The following NCAM2 variants were observed in gnomAD, a reference collection of about 807,000 sequenced individuals.
NCAM2 encodes the protein N-CAM-2.
In NCAM2, 30 loss-of-function variants were observed where a neutral mutation model predicts 98.1. The observed-to-expected ratio is 0.31, with a 90% CI of 0.23 to 0.41. The LOEUF is 0.41. Among genes scored for constraint, NCAM2 ranks in the 10% least tolerant of loss-of-function variants. NCAM2 has a pLI of 1.00. For missense variants in NCAM2, 867 were observed against 1,005.8 expected (o/e 0.86, Z 1.87); for synonymous variants, 368 against 342.4 (o/e 1.07, Z -0.83).
At chr21:21,298,007 A>G (rs1235976594) in intron 5 of NCAM2, among the ~76,000 whole-genome samples, 2 of 151,784 alleles carry the variant, frequency 1.3e-5, no homozygotes, top group African/African-American at 2.4e-5. Flanking sequence ...TAAAATCAAC[A>G]GTGGGTGATA....
At chr21:21,499,565 A>T (rs972670231) in intron 15 of NCAM2, among the ~76,000 whole-genome samples, 3 of 151,678 alleles carry the variant, frequency 2.0e-5, no homozygotes, top group Non-Finnish European at 2.9e-5. Flanking sequence ...TTAAAACAAA[A>T]TGTTTGTACT....
intron 1 of NCAM2, among the ~76,000 whole-genome samples, chr21:21,099,869 C>T (rs578225225): frequency 3.3e-5 from 5 of 151,732 alleles, no homozygotes; most frequent in South Asian, 4.1e-4. Context: ...CACTACTGAC[C>T]GTACCTTACT....
chr21:21,084,953 G>A (rs2065879964), intron 1 of NCAM2, among the ~76,000 whole-genome samples: 1 of 152,136 alleles, frequency 6.6e-6, no homozygotes, highest in African/African-American at 2.4e-5. Flanking sequence ...AATAGTCACT[G>A]TGCTGGTGTG....
At chr21:21,362,042 T>C (rs961929259) in intron 8 of NCAM2, among the ~76,000 whole-genome samples, 1 of 152,144 alleles carries the variant, frequency 6.6e-6, no homozygotes, top group Non-Finnish European at 1.5e-5. Context: ...TATCCATAAT[T>C]CAATTACTTT....
At chr21:21,463,813 T>A (rs548174899) in intron 12 of NCAM2, 1 of 152,152 alleles carries the variant, frequency 6.6e-6, no homozygotes, top group South Asian at 2.1e-4. Context: ...GAAAGAGCTT[T>A]TGCCTGAAAT....
At chr21:21,230,112 C>T (rs1040928087) in intron 1 of NCAM2, among the ~76,000 whole-genome samples, 8 of 150,742 alleles carry the variant, frequency 5.3e-5, no homozygotes, top group African/African-American at 1.9e-4. Context: ...TCATGACATG[C>T]CTGATTTGGA....
chr21:21,297,146 G>T (rs573194634), intron 5 of NCAM2, among the ~76,000 whole-genome samples: 1 of 151,746 alleles, frequency 6.6e-6, no homozygotes, highest in African/African-American at 2.4e-5. Context: ...CAATATTAAG[G>T]AATATTACCT....
At chr21:21,096,124 A>G (rs1157399493) in intron 1 of NCAM2, among the ~76,000 whole-genome samples, 2 of 151,652 alleles carry the variant, frequency 1.3e-5, no homozygotes, top group Non-Finnish European at 1.5e-5. Flanking sequence ...GTTAATTTCA[A>G]TTAATACTTC....
At chr21:21,100,881 A>C (rs2066227843) in intron 1 of NCAM2, among the ~76,000 whole-genome samples, 2 of 152,040 alleles carry the variant, frequency 1.3e-5, no homozygotes, top group Admixed American at 1.3e-4. Context: ...CATCTCTCTG[A>C]ATGTTACAAA....
At chr21:21,095,524 T>TACAGATGA (rs1224167606) in intron 1 of NCAM2, among the ~76,000 whole-genome samples, 2 of 151,416 alleles carry the variant, frequency 1.3e-5, no homozygotes, top group Non-Finnish European at 3.0e-5. Flanking sequence ...CTTGGAGGAA[T>TACAGATGA]ACAGATGAAC....
At chr21:21,451,989 A>G (rs1233662622) in intron 12 of NCAM2, among the ~76,000 whole-genome samples, 2 of 152,026 alleles carry the variant, frequency 1.3e-5, no homozygotes, top group African/African-American at 4.8e-5. Context: ...AATGATTCTC[A>G]CTTAATTCTA....
At chr21:21,384,136 G>A (rs2148108803) in intron 9 of NCAM2, among the ~76,000 whole-genome samples, 1 of 151,974 alleles carries the variant, frequency 6.6e-6, no homozygotes, top group South Asian at 2.1e-4. Flanking sequence ...AGAGTTATAT[G>A]TTTAAAGTCT....
chr21:21,291,858 G>T (rs917734444), intron 4 of NCAM2, among the ~76,000 whole-genome samples: 2 of 150,602 alleles, frequency 1.3e-5, no homozygotes, highest in African/African-American at 2.4e-5. Flanking sequence ...CATTTTATGT[G>T]GATATAAAGT....
At chr21:21,153,460 A>G (rs1601513625) in intron 1 of NCAM2, among the ~76,000 whole-genome samples, 1 of 152,058 alleles carries the variant, frequency 6.6e-6, no homozygotes, top group Admixed American at 6.6e-5. Context: ...CAACATAAAT[A>G]TATAGAAATG....
intron 1 of NCAM2, among the ~76,000 whole-genome samples, chr21:21,003,869 A>AG (rs1468291965): frequency 6.6e-6 from 1 of 152,136 alleles, no homozygotes; most frequent in Non-Finnish European, 1.5e-5. Flanking sequence ...GAACAACTCC[A>AG]GGGGGCGTCA....
At chr21:21,353,294 C>A (rs1359013724) in intron 8 of NCAM2, among the ~76,000 whole-genome samples, 1 of 152,148 alleles carries the variant, frequency 6.6e-6, no homozygotes, top group African/African-American at 2.4e-5. Flanking sequence ...GTCTTCTACC[C>A]TTAGTTGTCA....
At chr21:21,492,661 A>G (rs1447792639) in intron 15 of NCAM2, among the ~76,000 whole-genome samples, 3 of 151,866 alleles carry the variant, frequency 2.0e-5, no homozygotes, top group African/African-American at 4.8e-5. Flanking sequence ...TAAAAGTAAG[A>G]TATTTTCATC....
At chr21:21,321,176 A>AT (rs904501952) in intron 5 of NCAM2, among the ~76,000 whole-genome samples, 3 of 152,096 alleles carry the variant, frequency 2.0e-5, no homozygotes, top group Non-Finnish European at 4.4e-5. Context: ...GATAACGAGC[A>AT]TTTTTTCATA....
chr21:21,480,366 C>CAAAAAAAAAAAAAAAAAAAAAAAAAAA (rs59203448), intron 15 of NCAM2, among the ~76,000 whole-genome samples: 1 of 69,974 alleles, frequency 1.4e-5, no homozygotes, highest in African/African-American at 6.0e-5. Context: ...GACTCCATCT[C>CAAAAAAAAAAAAAAAAAAAAAAAAAAA]AAAAAAAAAA....
Sources: allele counts gnomAD v4.1 joint callset (sites outside exome capture counted in the v4.1 genomes callset), GRCh38; gene constraint gnomAD v4.1.1; transcripts MANE v1.5; gene names NCBI Gene and HGNC (gene_info 2026-07-23, HGNC 2026-07-21).